The following LRRTM4 variants were observed in gnomAD, a reference collection of about 807,000 sequenced individuals.
LRRTM4 encodes the protein leucine rich repeat transmembrane neuronal 4.
A neutral mutation model predicts 47.6 loss-of-function variants in LRRTM4; 25 were observed. That is an observed-to-expected ratio of 0.53 (90% CI 0.38 to 0.73). The LOEUF is 0.73. LRRTM4 is among the 30% of genes least tolerant of loss of function. LRRTM4 has a pLI of 0.00. For synonymous variants in LRRTM4, 311 were observed against 269.5 expected (o/e 1.15, Z -1.51); for missense variants, 638 against 713.4 (o/e 0.89, Z 1.20).
At chr2:77,038,819 T>C (rs1479182272) in intron 3 of LRRTM4, among the ~76,000 whole-genome samples, 2 of 151,490 alleles carry the variant, frequency 1.3e-5, no homozygotes, top group African/African-American at 4.8e-5. Context: ...CTACTGCTCA[T>C]GGATCTAACC....
chr2:77,438,393 ATTTTTT>A (rs70956631), intron 3 of LRRTM4, among the ~76,000 whole-genome samples: 55 of 100,168 alleles, frequency 5.5e-4, no homozygotes, highest in African/African-American at 2.1e-3. Flanking sequence ...GATCATGATA[ATTTTTT>A]TTTTTTTTTT....
At chr2:76,907,077 A>G (rs62170296) in intron 3 of LRRTM4, among the ~76,000 whole-genome samples, 54,733 of 150,750 alleles carry the variant, frequency 0.36, 10,873 homozygotes, top group East Asian at 0.71. Context: ...TTCCAAAATT[A>G]ACCACATAGT....
intron 3 of LRRTM4, among the ~76,000 whole-genome samples, chr2:76,974,211 C>CATATATAT (rs1440382318): frequency 7.6e-5 from 9 of 118,222 alleles, no homozygotes; most frequent in South Asian, 2.9e-4. Flanking sequence ...TATATATATA[C>CATATATAT]ACATATATAT....
At chr2:76,784,571 A>G (rs754238359) in intron 3 of LRRTM4, among the ~76,000 whole-genome samples, 5 of 152,046 alleles carry the variant, frequency 3.3e-5, no homozygotes, top group Non-Finnish European at 5.9e-5. Flanking sequence ...TAAATGCAAT[A>G]TTTTCAAACT....
intron 3 of LRRTM4, among the ~76,000 whole-genome samples, chr2:77,237,696 G>A (rs1231233188): frequency 1.3e-5 from 2 of 152,106 alleles, no homozygotes; most frequent in Non-Finnish European, 2.9e-5. Flanking sequence ...CATAGGGCCT[G>A]GAGAAAGCCT....
chr2:77,299,847 ATTTTTTTTTTT>A (rs145008759), intron 3 of LRRTM4, among the ~76,000 whole-genome samples: 3,243 of 114,276 alleles, frequency 0.028, 153 homozygotes, highest in African/African-American at 0.1. Context: ...TAAGGTAATG[ATTTTTTTTTTT>A]TTTTTTTTTT....
At chr2:77,012,626 A>G (rs1677916512) in intron 3 of LRRTM4, among the ~76,000 whole-genome samples, 1 of 152,190 alleles carries the variant, frequency 6.6e-6, no homozygotes, top group African/African-American at 2.4e-5. Flanking sequence ...TTAGAACTAG[A>G]AATCCCTTTT....
At chr2:77,127,710 A>G (rs2103968238) in intron 3 of LRRTM4, among the ~76,000 whole-genome samples, 1 of 152,288 alleles carries the variant, frequency 6.6e-6, no homozygotes, top group South Asian at 2.1e-4. Flanking sequence ...AAGTCTCCTG[A>G]AAAAAACACA....
At chr2:77,221,916 C>T (rs1248403615) in intron 3 of LRRTM4, among the ~76,000 whole-genome samples, 1 of 152,120 alleles carries the variant, frequency 6.6e-6, no homozygotes, top group Non-Finnish European at 1.5e-5. Flanking sequence ...CTTTTCAGCA[C>T]CACACCACAC....
chr2:76,879,435 C>T (rs1672867232), intron 3 of LRRTM4, among the ~76,000 whole-genome samples: 1 of 152,152 alleles, frequency 6.6e-6, no homozygotes, highest in South Asian at 2.1e-4. Flanking sequence ...AACAACAAGG[C>T]CTAGAAGACA....
chr2:76,900,463 T>C (rs757703554), intron 3 of LRRTM4, among the ~76,000 whole-genome samples: 1 of 152,176 alleles, frequency 6.6e-6, no homozygotes, highest in African/African-American at 2.4e-5. Context: ...GTTATATATT[T>C]ATGTTTTTAT....
At chr2:76,771,641 GAAAAAAA>G (rs748214529) in intron 3 of LRRTM4, among the ~76,000 whole-genome samples, 1 of 69,698 alleles carries the variant, frequency 1.4e-5, no homozygotes, top group African/African-American at 5.9e-5. Context: ...CAGGTGAACA[GAAAAAAA>G]AAAAAAAAAG....
chr2:76,906,233 A>C (rs1022029827), intron 3 of LRRTM4, among the ~76,000 whole-genome samples: 1 of 152,188 alleles, frequency 6.6e-6, no homozygotes, highest in South Asian at 2.1e-4. Context: ...AGAATTTCAT[A>C]TCCAGCCAAA....
chr2:77,161,480 T>C (rs1445124415), intron 3 of LRRTM4, among the ~76,000 whole-genome samples: 4 of 152,176 alleles, frequency 2.6e-5, no homozygotes, highest in Non-Finnish European at 5.9e-5. Flanking sequence ...AACTCTTCTT[T>C]ATAGTGATAC....
In LRRTM4 at chr2:76,835,988, G is replaced by A. The variant is rs573547798; in HGVS notation, c.1552-87072C>T. Among the ~76,000 whole-genome samples the A allele has an allele frequency of 1.5e-4, 23 of 151,914 alleles. 1 individual carries two copies. The highest frequency in any genetic ancestry group is 2.8e-4 in the Non-Finnish European group (19 of 67,908). On this transcript the variant is annotated intron_variant, in intron 3 of 3. Coordinates refer to ENST00000409884, the MANE Select transcript of LRRTM4 (RefSeq NM_001134745.3). ...GATAGTAGAACCTCTGAAATCCCAG[G>A]GGATATTTCTTTTTTCCCTTGGTAC...
intron 3 of LRRTM4, among the ~76,000 whole-genome samples, chr2:77,196,111 G>A (rs1321444215): frequency 6.6e-6 from 1 of 152,096 alleles, no homozygotes; most frequent in African/African-American, 2.4e-5. Flanking sequence ...TGGTATATTT[G>A]TTTGGTTATT....
chr2:77,475,800 ATGCT>A lies in LRRTM4; in HGVS notation c.1551+42514_1551+42517del, dbSNP rs1677364925. ...TTGGTGTAATTAGTATATACTTCACATGCTTTTCATTTATGTGTGAATTTAGGCA... is the reference window on the plus strand; with the variant it reads ...TTGGTGTAATTAGTATATACTTCACATTTCATTTATGTGTGAATTTAGGCA... On this transcript the variant is annotated intron_variant, in intron 3 of 3. Coordinates refer to ENST00000409884, the MANE Select transcript of LRRTM4 (RefSeq NM_001134745.3). Among the ~76,000 whole-genome samples the A allele has an allele frequency of 2.0e-5, 3 of 151,772 alleles. No homozygotes were observed. In the South Asian group the frequency reaches 6.2e-4, roughly 31 times the overall value.
chr2:77,164,550 T>A (rs563677123), intron 3 of LRRTM4, among the ~76,000 whole-genome samples: 1 of 152,260 alleles, frequency 6.6e-6, no homozygotes, highest in South Asian at 2.1e-4. Context: ...ATTGCCCACA[T>A]AGTTGGAAGT....
At chr2:77,100,069 A>G (rs1670912825) in intron 3 of LRRTM4, among the ~76,000 whole-genome samples, 3 of 152,104 alleles carry the variant, frequency 2.0e-5, no homozygotes. Context: ...TCCTTTAAGT[A>G]ACATGAAATG....
Sources: allele counts gnomAD v4.1 joint callset (sites outside exome capture counted in the v4.1 genomes callset), GRCh38; gene constraint gnomAD v4.1.1; transcripts MANE v1.5; gene names NCBI Gene and HGNC (gene_info 2026-07-23, HGNC 2026-07-21).